Variants in ZNFX1 observed in about 807,000 individuals in gnomAD.
ZNFX1 encodes the protein zinc finger NFX1-type containing 1, also known as NFX1-type zinc finger-containing protein 1.
A neutral mutation model predicts 179.8 loss-of-function variants in ZNFX1; 78 were observed. The ratio of observed to expected loss-of-function variants is 0.43; its 90% CI spans 0.36 to 0.52. The LOEUF (loss-of-function observed/expected upper bound fraction) is 0.52. Among genes scored for constraint, ZNFX1 ranks in the 20% least tolerant of loss-of-function variants. The pLI is 0.00. For synonymous variants in ZNFX1, 848 were observed against 868.5 expected (o/e 0.98, Z 0.42); for missense variants, 1,927 against 2,386.6 (o/e 0.81, Z 4.01).
chr20:49,247,140 T>TA lies in ZNFX1; in HGVS notation c.*126dup, dbSNP rs1980696372. 1 of 1,325,390 alleles carries TA rather than the reference T, an allele frequency of 7.5e-7. No individual in the cohort carries two copies. The highest frequency in any genetic ancestry group is 1.0e-6 in the Non-Finnish European group (1 of 976,960). 82.1% of individuals were successfully genotyped at this position (1,325,390 alleles called of 1,614,324 possible). ...CCTCGGCCTCCCAAAGTGCTGGGAT[T>TA]ACAGGCGTAAGCCACTGCGCCCAGC... On this transcript the variant is annotated 3_prime_UTR_variant, in exon 14 of 14. Transcript: ENST00000396105.
At chr20:49,265,769 C>T (rs1290036945) in intron 4 of ZNFX1, among the ~76,000 whole-genome samples, 1 of 151,900 alleles carries the variant, frequency 6.6e-6, no homozygotes. Flanking sequence ...AGAAAAAGTC[C>T]ACCTGAGAAG....
Position 49,247,934 on chromosome 20 carries a change from T to G in ZNFX1, c.5090A>C (p.Lys1697Thr). ...EKLAQKNLSV[K>T]DLGLVENYIS... Reference sequence around the variant, plus strand: ...GTAATTCTCAACCAGACCCAGGTCCTTCACTGACAGATTTTTCTGGGCCAG... The same window carrying G: ...GTAATTCTCAACCAGACCCAGGTCCGTCACTGACAGATTTTTCTGGGCCAG... Residue 1697 changes from lysine to threonine, a missense_variant, in exon 14 of 14, where the codon AAG (lysine) becomes ACG (threonine). Lys to Thr is a moderately conservative substitution (Grantham distance 78). Transcript: ENST00000396105. The G allele has an allele frequency of 6.2e-7, 1 of 1,613,976 alleles. No individual in the cohort carries two copies.
intron 5 of ZNFX1, 75 bp downstream of exon 5, chr20:49,264,641 C>T: frequency 6.4e-7 from 1 of 1,561,514 alleles, no homozygotes; most frequent in South Asian, 1.2e-5. Flanking sequence ...CCCTGGGCTG[C>T]CTACCCAGAA....
chr20:49,249,672 G>T lies in ZNFX1; in HGVS notation c.3352C>A (p.Pro1118Thr), dbSNP rs1015807530. Reference protein sequence around the residue: ...SNLFFVEHNFPEQEIQEGKSH... With the variant: ...SNLFFVEHNFTEQEIQEGKSH... ...TTGCCCTCTTGGATTTCCTGTTCAG[G>T]AAAGTTGTGTTCTACAAAGAAAAGG... Residue 1118 changes from proline to threonine, a missense_variant, in exon 14 of 14, where the codon CCT (proline) becomes ACT (threonine). Coordinates refer to ENST00000396105, the MANE Select transcript of ZNFX1 (RefSeq NM_021035.3). 4 of 1,613,926 alleles carry T rather than the reference G, an allele frequency of 2.5e-6. No homozygotes were observed. The highest frequency in any genetic ancestry group is 1.7e-5 in the Admixed American group (1 of 60,008).
Position 49,271,618 on chromosome 20 carries a change from T to C in ZNFX1, c.194A>G (p.Gln65Arg), listed in dbSNP as rs1981404704. 1 of 1,614,036 alleles carries C rather than the reference T, an allele frequency of 6.2e-7. No individual in the cohort carries two copies. Among genetic ancestry groups the C allele is most frequent in the African/African-American group, 1.3e-5 (1 of 74,908 alleles). ...RANNHPAAYWQREERFRAMGR... is the reference protein window; with the variant it reads ...RANNHPAAYWRREERFRAMGR... ...CATGGCCCTAAATCTCTCTTCCCTC[T>C]GCCAGTAAGCAGCAGGATGGTTGTT... The change falls in exon 3 of 14, where the codon CAG (glutamine) becomes CGG (arginine). Residue 65 changes from glutamine to arginine, a missense_variant. Gln to Arg is a conservative substitution (Grantham distance 43). Coordinates refer to ENST00000396105, the MANE Select transcript of ZNFX1 (RefSeq NM_021035.3).
At position 49,256,097 on chromosome 20, in the gene ZNFX1, T is replaced by G. The variant is rs145069354; in HGVS notation, c.2665-150A>C. On this transcript the variant is annotated intron_variant, in intron 8 of 13. Transcript: ENST00000396105. ...CATTCTCCCAACAGCTCTTCCACTGTAGAGTGGCTAAACAAGGACTCTGGA... is the reference window on the plus strand; with the variant it reads ...CATTCTCCCAACAGCTCTTCCACTGGAGAGTGGCTAAACAAGGACTCTGGA... 2.0e-4 allele frequency: 205 copies of G among 1,002,284 alleles called. No homozygotes were observed. The African/African-American group carries it at 3.0e-3, about 15-fold the overall frequency. 62.1% of individuals were successfully genotyped at this position (1,002,284 alleles called of 1,614,324 possible).
intron 13 of ZNFX1, among the ~76,000 whole-genome samples, chr20:49,250,755 T>C (rs1980815796): frequency 6.6e-6 from 1 of 152,146 alleles, no homozygotes; most frequent in Non-Finnish European, 1.5e-5. Context: ...TTTCACCATG[T>C]TGGCCAGGCT....
At chr20:49,261,648 GTT>G (rs146430460) in intron 6 of ZNFX1, among the ~76,000 whole-genome samples, 89,987 of 135,896 alleles carry the variant, frequency 0.66, 30,044 homozygotes, top group Non-Finnish European at 0.75. Flanking sequence ...CATGACACAA[GTT>G]TTTTTTTTTT....
rs1242609764 is a variant in ZNFX1 at position 49,255,946 on chromosome 20, G to A, written c.2666C>T (p.Thr889Ile). 1 of 1,613,792 alleles carries A rather than the reference G, an allele frequency of 6.2e-7. No individual in the cohort carries two copies. Among genetic ancestry groups the A allele is most frequent in the East Asian group, 2.2e-5 (1 of 44,894 alleles). ...GQEQATGEWQTQRNQKKKMKK... is the reference protein window; with the variant it reads ...GQEQATGEWQIQRNQKKKMKK... ...CATTTTCTTTTTCTGGTTGCGCTGGGTCTGCAGACATCAATACCAGGCAGG... is the reference window on the plus strand; with the variant it reads ...CATTTTCTTTTTCTGGTTGCGCTGGATCTGCAGACATCAATACCAGGCAGG... The change falls in exon 9 of 14, where the codon ACC (threonine) becomes ATC (isoleucine). Residue 889 changes from threonine to isoleucine, a missense_variant and splice_region_variant. By Grantham distance (89) the Thr-to-Ile change is moderately conservative. Coordinates refer to ENST00000396105, the MANE Select transcript of ZNFX1 (RefSeq NM_021035.3).
chr20:49,247,753 T>C lies in ZNFX1; in HGVS notation c.5271A>G (p.Arg1757=), dbSNP rs1231949252. 9 of 1,614,088 alleles carry C rather than the reference T, an allele frequency of 5.6e-6. No homozygotes were observed. The African/African-American group carries it at 9.3e-5, about 17-fold the overall frequency. Reference sequence around the variant, plus strand: ...GGTATGTGAGCCTCTGGATTTCACTTCGGAGGTCACTTAGTTCCTGGCTAG... The same window carrying C: ...GGTATGTGAGCCTCTGGATTTCACTCCGGAGGTCACTTAGTTCCTGGCTAG... ...SFTSQELSDL[R]SEIQRLTYLV... The change falls in exon 14 of 14, where the codon CGA becomes CGG. Residue 1757 remains arginine, a synonymous_variant. Coordinates refer to ENST00000396105, the MANE Select transcript of ZNFX1 (RefSeq NM_021035.3).
intron 3 of ZNFX1, 83 bp from the exon 4 acceptor site, chr20:49,266,349 T>G (rs1442971865): frequency 7.7e-7 from 1 of 1,298,068 alleles, no homozygotes; most frequent in Admixed American, 2.7e-5. Flanking sequence ...TTTTTTTAAA[T>G]TTAATATAAT....
chr20:49,264,355 TTC>T (rs1450507991), intron 5 of ZNFX1, among the ~76,000 whole-genome samples: 2 of 152,238 alleles, frequency 1.3e-5, no homozygotes, highest in Admixed American at 6.5e-5. Flanking sequence ...ACAATATCTG[TTC>T]TCTCTCTTTT....
At chr20:49,252,453 T>TAA (rs571803475) in intron 12 of ZNFX1, among the ~76,000 whole-genome samples, 2 of 143,744 alleles carry the variant, frequency 1.4e-5, no homozygotes, top group East Asian at 4.0e-4. Flanking sequence ...CTATTTTTCT[T>TAA]AAAAAAAAAA....
chr20:49,247,791 G>T lies in ZNFX1; in HGVS notation c.5233C>A (p.Arg1745Ser). ...AGTTCCTGGCTAGTGAAGCTCAAGCGCTTCTTGGCCAGCCACTCATGGACC... is the reference window on the plus strand; with the variant it reads ...AGTTCCTGGCTAGTGAAGCTCAAGCTCTTCTTGGCCAGCCACTCATGGACC... ...EQVHEWLAKK[R>S]LSFTSQELSD... is the part of the protein sequence containing the mutation. Residue 1745 changes from arginine (R) to serine (S), a missense_variant, in exon 14 of 14, where the codon CGC becomes AGC. Transcript: ENST00000396105. The T allele has an allele frequency of 6.2e-7, 1 of 1,614,026 alleles. No individual in the cohort carries two copies. The highest frequency in any genetic ancestry group is 8.5e-7 in the Non-Finnish European group (1 of 1,179,978).
Position 49,245,950 on chromosome 20 carries a change from A to G in ZNFX1, c.*1317T>C, listed in dbSNP as rs1410530808. 1 of 152,640 alleles carries G rather than the reference A, an allele frequency of 6.6e-6. No homozygotes were observed. The highest frequency in any genetic ancestry group is 1.5e-5 in the Non-Finnish European group (1 of 68,030). 9.5% of individuals were successfully genotyped at this position (152,640 alleles called of 1,614,324 possible). On this transcript the variant is annotated 3_prime_UTR_variant, in exon 14 of 14. Coordinates refer to ENST00000396105, the MANE Select transcript of ZNFX1 (RefSeq NM_021035.3). ...GCTTTATAAGCTAAAGTGCATAGTA[A>G]AGACAAAAAAAGGAAATGCATACAT...
In ZNFX1 at chr20:49,246,878, T is replaced by G; in HGVS notation, c.*389A>C. 1 of 458,826 alleles carries G rather than the reference T, an allele frequency of 2.2e-6. No homozygotes were observed. Among genetic ancestry groups the G allele is most frequent in the Non-Finnish European group, 4.4e-6 (1 of 228,490 alleles). 28.4% of individuals were successfully genotyped at this position (458,826 alleles called of 1,614,324 possible). A position where few individuals can be genotyped will look rare whatever the true frequency, so the allele number is the denominator to read the frequency against. ...GCTAAGACTAAAAAGAATGATTTTT[T>G]TTTTTTTGAGACAGAGTCTTGCTCC... On this transcript the variant is annotated 3_prime_UTR_variant, in exon 14 of 14. Coordinates refer to ENST00000396105, the MANE Select transcript of ZNFX1 (RefSeq NM_021035.3).
rs1391251356 is a variant in ZNFX1 at position 49,248,619 on chromosome 20, G to A, written c.4405C>T (p.Leu1469Phe). ...ERCQQPCKRL[L>F]ICSHKCQEPC... The stretch of plus-strand genomic sequence containing the variant: ...TCCTGGCACTTGTGTGAGCAGATAA[G>A]CAGGCGCTTGCAGGGCTGCTGACAG... Residue 1469 changes from leucine (L) to phenylalanine (F), a missense_variant, in exon 14 of 14, where the codon CTT becomes TTT. Leu to Phe is a conservative substitution (Grantham distance 22, BLOSUM62 0). Transcript: ENST00000396105. The surrounding 1 kb of genome is among the most constrained non-coding windows in gnomAD (Gnocchi z 4.6). The A allele has an allele frequency of 6.2e-7, 1 of 1,614,072 alleles. No individual in the cohort carries two copies. The highest frequency in any genetic ancestry group is 1.1e-5 in the South Asian group (1 of 91,090).
chr20:49,274,620 A>T (rs762431583), intron 2 of ZNFX1, among the ~76,000 whole-genome samples: 1 of 152,100 alleles, frequency 6.6e-6, no homozygotes, highest in African/African-American at 2.4e-5. Flanking sequence ...TTAGCTGGGC[A>T]TGGTGGCAGG....
intron 5 of ZNFX1, 32 bp from the exon 6 acceptor site, chr20:49,263,515 GA>G: frequency 6.4e-7 from 1 of 1,554,590 alleles, no homozygotes; most frequent in Middle Eastern, 1.7e-4. Flanking sequence ...AAATGATGAG[GA>G]AATATCATCA....
Sources: allele counts gnomAD v4.1 joint callset (sites outside exome capture counted in the v4.1 genomes callset), GRCh38; gene constraint gnomAD v4.1.1; non-coding constraint Gnocchi (gnomAD v3.1); transcripts MANE v1.5; gene names NCBI Gene and HGNC (gene_info 2026-07-23, HGNC 2026-07-21).